The following CLVS1 variants were observed in gnomAD, a reference collection of about 807,000 sequenced individuals.
The protein encoded by CLVS1 is clavesin 1.
In CLVS1, 10 loss-of-function variants were observed where a neutral mutation model predicts 33.1. The ratio of observed to expected loss-of-function variants is 0.30; its 90% confidence interval spans 0.19 to 0.51. The LOEUF (loss-of-function observed/expected upper bound fraction) is 0.51, where lower values mean the gene tolerates loss of function less well. CLVS1 is among the 20% of genes least tolerant of loss of function. The pLI, the probability that CLVS1 is intolerant of heterozygous loss-of-function variation, is 0.97. For missense variants in CLVS1, 343 were observed against 433.4 expected, an observed-to-expected ratio of 0.79 and a Z score of 1.85; for synonymous variants, 163 against 166.1, an observed-to-expected ratio of 0.98 and a Z score of 0.14.
At chr8:61,017,336 T>G in the CLVS1 span, among the ~76,000 whole-genome samples, 1 of 152,244 alleles carries the variant, frequency 6.6e-6, no homozygotes, top group African/African-American at 2.4e-5. Context: ...TTGTGAGAAT[T>G]ATGGTATGCC....
chr8:61,165,424 C>T (rs910229197), intron 2 of CLVS1, among the ~76,000 whole-genome samples: 2 of 152,232 alleles, frequency 1.3e-5, no homozygotes, highest in African/African-American at 4.8e-5. Flanking sequence ...GGGTTTATAT[C>T]CTGATCCTTG....
chr8:61,258,120 C>T (rs148811848), intron 2 of CLVS1, among the ~76,000 whole-genome samples: 191 of 152,294 alleles, frequency 1.3e-3, no homozygotes, highest in African/African-American at 4.1e-3. Flanking sequence ...GGCCATATCT[C>T]TGTTGCACAA....
At chr8:61,258,930 A>T (rs953545626) in intron 2 of CLVS1, among the ~76,000 whole-genome samples, 9 of 152,164 alleles carry the variant, frequency 5.9e-5, no homozygotes, top group African/African-American at 2.2e-4. Flanking sequence ...AACAGAGAGG[A>T]GGAGGGTGAT....
chr8:61,070,806 G>A (rs1804780462), intron 1 of CLVS1, among the ~76,000 whole-genome samples: 1 of 152,196 alleles, frequency 6.6e-6, no homozygotes, highest in African/African-American at 2.4e-5. Context: ...CACCACTACT[G>A]CACCCCATCC....
At chr8:60,965,549 C>T in the CLVS1 span, among the ~76,000 whole-genome samples, 5 of 152,192 alleles carry the variant, frequency 3.3e-5, no homozygotes, top group South Asian at 6.2e-4. Context: ...CCATTAGGCA[C>T]CCCTGATGGA....
At chr8:61,138,907 A>G (rs1585637296) in intron 2 of CLVS1, among the ~76,000 whole-genome samples, 2 of 152,238 alleles carry the variant, frequency 1.3e-5, no homozygotes, top group African/African-American at 2.4e-5. Context: ...TGTAAATACA[A>G]TATCTCTGCC....
At chr8:61,288,391 C>G (rs1449015076) in intron 1 of CLVS1, among the ~76,000 whole-genome samples, 1 of 152,208 alleles carries the variant, frequency 6.6e-6, no homozygotes, top group Non-Finnish European at 1.5e-5. Flanking sequence ...TCACCGTCAT[C>G]ATAGCCACCA....
At position 61,410,238 on chromosome 8, in the gene CLVS1, GT is replaced by G. The variant is rs1407265547; in HGVS notation, c.630+33464del. Among the ~76,000 whole-genome samples the G allele has an allele frequency of 2.0e-5, 3 of 151,576 alleles. No homozygotes were observed. The East Asian group carries it at 5.8e-4, about 29-fold the overall frequency. On this transcript the variant is annotated intron_variant, in intron 3 of 5. Coordinates refer to ENST00000325897, the MANE Select transcript of CLVS1 (RefSeq NM_173519.3). Reference sequence around the variant, plus strand: ...CATACTGTACAGTGTGAGATGTTTTGTTTTTGTTTTTGTTTTTGTTTCCTAG... The same window carrying G: ...CATACTGTACAGTGTGAGATGTTTTGTTTTGTTTTTGTTTTTGTTTCCTAG...
At chr8:61,229,975 G>A (rs553368838) in intron 2 of CLVS1, among the ~76,000 whole-genome samples, 12 of 152,246 alleles carry the variant, frequency 7.9e-5, no homozygotes, top group African/African-American at 2.6e-4. Context: ...CTTATTTGAC[G>A]TTCACATCAG....
intron 3 of CLVS1, among the ~76,000 whole-genome samples, chr8:61,430,430 G>A (rs534935306): frequency 6.6e-6 from 1 of 152,298 alleles, no homozygotes; most frequent in Admixed American, 6.5e-5. Flanking sequence ...TTTTCAGAAA[G>A]GAGGGGGAAA....
At chr8:61,076,611 C>A (rs2129281563) in intron 1 of CLVS1, among the ~76,000 whole-genome samples, 1 of 152,310 alleles carries the variant, frequency 6.6e-6, no homozygotes. Context: ...TATATTCCTG[C>A]TAAATTATCT....
At chr8:61,214,914 T>C (rs1808052768) in intron 2 of CLVS1, among the ~76,000 whole-genome samples, 1 of 152,208 alleles carries the variant, frequency 6.6e-6, no homozygotes, top group Non-Finnish European at 1.5e-5. Flanking sequence ...ATAGGATGGC[T>C]CATTTTGAAT....
chr8:61,404,595 G>A (rs770574836), intron 3 of CLVS1, among the ~76,000 whole-genome samples: 7 of 152,268 alleles, frequency 4.6e-5, no homozygotes, highest in African/African-American at 1.4e-4. Flanking sequence ...GTGACAAGAC[G>A]CAAAGCCCCT....
intron 3 of CLVS1, among the ~76,000 whole-genome samples, chr8:61,414,109 G>A (rs927709274): frequency 2.0e-5 from 3 of 152,180 alleles, no homozygotes; most frequent in African/African-American, 7.2e-5. Flanking sequence ...ATTAAATGAG[G>A]GGAGGGAAAA....
At chr8:61,200,513 A>G (rs1334424660) in intron 2 of CLVS1, among the ~76,000 whole-genome samples, 1 of 152,224 alleles carries the variant, frequency 6.6e-6, no homozygotes, top group Non-Finnish European at 1.5e-5. Context: ...TGAATACTTA[A>G]TTTGTTAAAA....
chr8:61,217,167 A>G (rs1808106808), intron 2 of CLVS1, among the ~76,000 whole-genome samples: 2 of 152,180 alleles, frequency 1.3e-5, no homozygotes, highest in South Asian at 4.1e-4. Flanking sequence ...ATAGCATCTC[A>G]TAACTATAGG....
intron 3 of CLVS1, among the ~76,000 whole-genome samples, chr8:61,390,851 T>G (rs1814274715): frequency 6.6e-6 from 1 of 152,232 alleles, no homozygotes; most frequent in South Asian, 2.1e-4. Flanking sequence ...GTGTTTATTT[T>G]TGCTGTTCTT....
intron 2 of CLVS1, among the ~76,000 whole-genome samples, chr8:61,208,130 T>G (rs1807895113): frequency 6.6e-6 from 1 of 152,216 alleles, no homozygotes; most frequent in Non-Finnish European, 1.5e-5. Context: ...AAAACAGAAA[T>G]GCCTTCAAAT....
chr8:61,013,779 A>G, the CLVS1 span, among the ~76,000 whole-genome samples: 21 of 152,306 alleles, frequency 1.4e-4, no homozygotes, highest in African/African-American at 3.8e-4. Context: ...AAAAGTAAGA[A>G]TATATTCCAT....
Sources: allele counts gnomAD v4.1 joint callset (sites outside exome capture counted in the v4.1 genomes callset), GRCh38; gene constraint gnomAD v4.1.1; transcripts MANE v1.5; gene names NCBI Gene and HGNC (gene_info 2026-07-23, HGNC 2026-07-21).